The following SLC30A8 variants were observed in gnomAD, a reference collection of about 807,000 sequenced individuals.
SLC30A8 encodes the protein proton-coupled zinc antiporter SLC30A8.
SLC30A8 carries 27 observed loss-of-function variants against 36.9 expected under a neutral mutation model. The observed-to-expected ratio is 0.73, with a 90% CI of 0.54 to 1.01. SLC30A8 has a LOEUF of 1.01. Among genes scored for constraint, SLC30A8 ranks in the 50% least tolerant of loss-of-function variants. SLC30A8 has a pLI of 0.00. For missense variants in SLC30A8, 439 were observed against 452.0 expected (o/e 0.97, Z 0.26); for synonymous variants, 164 against 172.4 (o/e 0.95, Z 0.38).
chr8:117,077,245 A>G (rs975936537), intron 2 of SLC30A8, among the ~76,000 whole-genome samples: 1 of 152,152 alleles, frequency 6.6e-6, no homozygotes, highest in African/African-American at 2.4e-5. Context: ...AAAAATACCA[A>G]TGTCAGGGCT....
intron 1 of SLC30A8, among the ~76,000 whole-genome samples, chr8:116,988,811 TA>T (rs1815537015): frequency 6.6e-6 from 1 of 152,238 alleles, no homozygotes; most frequent in Non-Finnish European, 1.5e-5. Flanking sequence ...TTGGCAACTA[TA>T]CTTGCCTTCT....
At chr8:117,126,620 C>A (rs1820914381) in intron 2 of SLC30A8, among the ~76,000 whole-genome samples, 1 of 151,854 alleles carries the variant, frequency 6.6e-6, no homozygotes, top group Non-Finnish European at 1.5e-5. Flanking sequence ...TATTCTTCAC[C>A]CATGATATGC....
At chr8:117,132,917 G>C (rs573164098), upstream of SLC30A8, among the ~76,000 whole-genome samples, 4 of 151,936 alleles carry the variant, frequency 2.6e-5, no homozygotes, top group South Asian at 8.3e-4. Context: ...GTAATCTACT[G>C]TTCTCTGTTC....
intron 2 of SLC30A8, among the ~76,000 whole-genome samples, chr8:117,059,491 A>G (rs976900098): frequency 6.6e-6 from 1 of 152,242 alleles, no homozygotes; most frequent in Non-Finnish European, 1.5e-5. Flanking sequence ...AGCTGTGGAA[A>G]GAACTATGCA....
chr8:117,094,754 C>G lies in SLC30A8; in HGVS notation c.-225-40526C>G, dbSNP rs894750351. 2.6e-5 allele frequency among the ~76,000 whole-genome samples: 4 copies of G among 152,344 alleles called. No homozygotes were observed. The South Asian group carries it at 8.3e-4, about 32-fold the overall frequency. ...GGACCCGTCCCTTTCCACCCAGGAG[C>G]CTGTCTGCCTCCTGCTGTCATTCAT... On this transcript the variant is annotated intron_variant, in intron 2 of 10. Transcript: ENST00000427715.
At chr8:117,081,046 A>G (rs922216525) in intron 2 of SLC30A8, among the ~76,000 whole-genome samples, 4 of 152,210 alleles carry the variant, frequency 2.6e-5, no homozygotes, top group Non-Finnish European at 5.9e-5. Flanking sequence ...TTACTTTAAT[A>G]TCTTCCTCCA....
At chr8:117,130,576 T>G (rs1179342981), upstream of SLC30A8, among the ~76,000 whole-genome samples, 2 of 152,016 alleles carry the variant, frequency 1.3e-5, no homozygotes, top group Non-Finnish European at 2.9e-5. Flanking sequence ...TCAGTGATGC[T>G]CTGTGCATTT....
intron 2 of SLC30A8, among the ~76,000 whole-genome samples, chr8:117,048,936 A>T (rs6982713): frequency 0.3 from 44,953 of 152,116 alleles, 7,192 homozygotes; most frequent in African/African-American, 0.43. Context: ...TGATTTACAA[A>T]GTGCTGTCTT....
At chr8:117,066,232 A>T (rs2130792089) in intron 2 of SLC30A8, among the ~76,000 whole-genome samples, 1 of 152,254 alleles carries the variant, frequency 6.6e-6, no homozygotes, top group Non-Finnish European at 1.5e-5. Flanking sequence ...CTGTTGCTTT[A>T]TTGGTCCTGG....
chr8:116,984,991 C>A (rs995671458), intron 1 of SLC30A8, among the ~76,000 whole-genome samples: 2 of 151,868 alleles, frequency 1.3e-5, no homozygotes, highest in African/African-American at 2.4e-5. Context: ...AATAAAATTA[C>A]AAGGTTCAAT....
At position 117,073,322 on chromosome 8, in the gene SLC30A8, T is replaced by G. The variant is rs138735948; in HGVS notation, c.-226+34064T>G. ...CCCAGGCTGGAGTGCAGTGGTGTGA[T>G]CTCGGCTCACTGCAACTTCCTCCTG... is the stretch of plus-strand genomic sequence containing the variant. On this transcript the variant is annotated intron_variant, in intron 2 of 10. Transcript: ENST00000427715. Among the ~76,000 whole-genome samples, 702 of 151,492 alleles carry G rather than the reference T, an allele frequency of 4.6e-3. 4 individuals carry two copies. Among genetic ancestry groups the G allele is most frequent in the African/African-American group, 0.016 (673 of 41,230 alleles).
intron 1 of SLC30A8, among the ~76,000 whole-genome samples, chr8:116,979,317 T>C (rs958950713): frequency 6.7e-6 from 1 of 150,216 alleles, no homozygotes; most frequent in African/African-American, 2.5e-5. Flanking sequence ...ATTCTAGGTG[T>C]GACTGGGTTA....
intron 1 of SLC30A8, among the ~76,000 whole-genome samples, chr8:117,139,504 A>G (rs1821542178): frequency 1.3e-5 from 2 of 152,112 alleles, no homozygotes; most frequent in Admixed American, 1.3e-4. Flanking sequence ...GAGAAAATAC[A>G]TTTTTGTTGT....
In SLC30A8 at chr8:117,108,990, C is replaced by T. The variant is rs560269136; in HGVS notation, c.-225-26290C>T. 9.9e-5 allele frequency among the ~76,000 whole-genome samples: 15 copies of T among 152,248 alleles called. No homozygotes were observed. The South Asian group carries it at 3.1e-3, about 32-fold the overall frequency. On this transcript the variant is annotated intron_variant, in intron 2 of 10. Coordinates refer to the SLC30A8 transcript ENST00000427715. ...GCTCTCTGGCAGGCTTTTCTCATGA[C>T]GTGGCATCCCAGGGCTCTAACTTTC...
At chr8:116,960,723 A>G (rs981749714) in intron 1 of SLC30A8, among the ~76,000 whole-genome samples, 1 of 152,216 alleles carries the variant, frequency 6.6e-6, no homozygotes, top group Non-Finnish European at 1.5e-5. Context: ...ATTTCTTTCT[A>G]CTTGTGTAGG....
intron 2 of SLC30A8, among the ~76,000 whole-genome samples, chr8:117,054,147 G>A (rs917249311): frequency 7.2e-6 from 1 of 139,446 alleles, no homozygotes; most frequent in African/African-American, 2.8e-5. Context: ...CTCCTAGGCT[G>A]GAGTGCACTG....
intron 2 of SLC30A8, among the ~76,000 whole-genome samples, chr8:117,111,145 A>G (rs1282595988): frequency 6.6e-6 from 1 of 152,208 alleles, no homozygotes; most frequent in Non-Finnish European, 1.5e-5. Context: ...TAATAATAAA[A>G]TTAGAAAAAA....
intron 1 of SLC30A8, among the ~76,000 whole-genome samples, chr8:116,994,031 A>G (rs1447665652): frequency 1.4e-5 from 2 of 142,558 alleles, no homozygotes; most frequent in Non-Finnish European, 2.9e-5. Context: ...CTTGCTACAA[A>G]CAAACAAAAA....
At chr8:117,042,308 A>G (rs761847565) in intron 2 of SLC30A8, among the ~76,000 whole-genome samples, 1 of 152,240 alleles carries the variant, frequency 6.6e-6, no homozygotes, top group Non-Finnish European at 1.5e-5. Context: ...CGGAAACTGC[A>G]GAAAACCTCA....
Sources: allele counts gnomAD v4.1 joint callset (sites outside exome capture counted in the v4.1 genomes callset), GRCh38; gene constraint gnomAD v4.1.1; transcripts MANE v1.5; gene names NCBI Gene and HGNC (gene_info 2026-07-23, HGNC 2026-07-21).